Variants in CTNNA3 observed in about 807,000 individuals in gnomAD.
The protein encoded by CTNNA3 is catenin alpha-3.
Under a neutral mutation model 95.7 loss-of-function variants are expected in CTNNA3, and 76 were observed. That is an observed-to-expected ratio of 0.79 (90% CI 0.66 to 0.96). The LOEUF is 0.96. CTNNA3 is among the 40% of genes least tolerant of loss of function. CTNNA3 has a pLI of 0.00. For missense variants in CTNNA3, 1,191 were observed against 1,089.8 expected, an observed-to-expected ratio of 1.09 and a Z score of -1.31; for synonymous variants, 431 against 374.4, an observed-to-expected ratio of 1.15 and a Z score of -1.74.
chr10:67,747,571 T>G (rs1335433871), intron 1 of CTNNA3, among the ~76,000 whole-genome samples: 1 of 152,042 alleles, frequency 6.6e-6, no homozygotes, highest in Non-Finnish European at 1.5e-5. Context: ...AGCAACAGCA[T>G]CAACAAAAAG....
intron 6 of CTNNA3, among the ~76,000 whole-genome samples, chr10:67,182,834 A>T (rs1376812817): frequency 6.6e-6 from 1 of 152,216 alleles, no homozygotes; most frequent in African/African-American, 2.4e-5. Flanking sequence ...ACTCCAACAC[A>T]TTTACAAGAA....
At chr10:66,148,677 C>G (rs867928395) in intron 13 of CTNNA3, among the ~76,000 whole-genome samples, 55 of 151,632 alleles carry the variant, frequency 3.6e-4, no homozygotes, top group African/African-American at 1.3e-3. Context: ...GCTGCTGGGT[C>G]TTTGAACTTG....
At chr10:67,451,369 G>A (rs1001831271) in intron 5 of CTNNA3, among the ~76,000 whole-genome samples, 3 of 151,972 alleles carry the variant, frequency 2.0e-5, no homozygotes, top group African/African-American at 7.3e-5. Flanking sequence ...CTAGAAAGAT[G>A]TGATGTTAGA....
chr10:67,408,550 T>C (rs919176967), intron 5 of CTNNA3, among the ~76,000 whole-genome samples: 1 of 152,114 alleles, frequency 6.6e-6, no homozygotes, highest in Non-Finnish European at 1.5e-5. Context: ...AAATTAAAAC[T>C]GGACCCCTTC....
intron 5 of CTNNA3, among the ~76,000 whole-genome samples, chr10:67,501,863 T>G (rs1328439986): frequency 4.6e-5 from 7 of 151,754 alleles, no homozygotes; most frequent in African/African-American, 1.7e-4. Context: ...TAGCAATTCC[T>G]CTAACCTTTT....
chr10:66,685,706 T>A (rs1847274290), intron 9 of CTNNA3, among the ~76,000 whole-genome samples: 1 of 151,918 alleles, frequency 6.6e-6, no homozygotes, highest in Admixed American at 6.6e-5. Context: ...TTTGCCACTG[T>A]AAACAAGATA....
At chr10:67,472,158 T>C (rs1247131729) in intron 5 of CTNNA3, among the ~76,000 whole-genome samples, 1 of 152,222 alleles carries the variant, frequency 6.6e-6, no homozygotes, top group African/African-American at 2.4e-5. Context: ...ACTCACAAAC[T>C]TTTGAGAGAA....
intron 13 of CTNNA3, among the ~76,000 whole-genome samples, chr10:66,221,208 A>G (rs1372942908): frequency 6.6e-6 from 1 of 152,168 alleles, no homozygotes; most frequent in African/African-American, 2.4e-5. Flanking sequence ...ACACCAGCTC[A>G]TCTGGTTGTG....
At chr10:67,013,884 A>G (rs1379640235) in intron 7 of CTNNA3, among the ~76,000 whole-genome samples, 1 of 152,152 alleles carries the variant, frequency 6.6e-6, no homozygotes, top group East Asian at 1.9e-4. Context: ...GATCTCTGAT[A>G]TCTAGCCTTC....
intron 11 of CTNNA3, among the ~76,000 whole-genome samples, chr10:66,458,211 T>G (rs1323615091): frequency 6.6e-6 from 1 of 152,080 alleles, no homozygotes; most frequent in Admixed American, 6.6e-5. Context: ...CTGTAAACAA[T>G]CCAAATGTCT....
chr10:66,634,307 T>C (rs543397666), intron 9 of CTNNA3, among the ~76,000 whole-genome samples: 15 of 152,258 alleles, frequency 9.9e-5, no homozygotes, highest in Non-Finnish European at 1.8e-4. Flanking sequence ...TACACATATA[T>C]AATGATTACA....
chr10:67,029,214 G>C (rs754797591), intron 7 of CTNNA3, among the ~76,000 whole-genome samples: 27 of 152,136 alleles, frequency 1.8e-4, no homozygotes, highest in African/African-American at 6.5e-4. Context: ...ATTTGAAAAG[G>C]TTCACTAATG....
chr10:66,326,470 G>A lies in CTNNA3; in HGVS notation c.1733-45849C>T, dbSNP rs2092255992. Among the ~76,000 whole-genome samples the A allele has an allele frequency of 3.3e-5, 5 of 152,034 alleles. No individual in the cohort carries two copies. In the South Asian group the frequency reaches 1.0e-3, roughly 31 times the overall value. ...AAAAGTACACTAACTCATATTAAATGTGTTCAGAGTTAGGTTCAGTATAGG... is the reference window on the plus strand; with the variant it reads ...AAAAGTACACTAACTCATATTAAATATGTTCAGAGTTAGGTTCAGTATAGG... On this transcript the variant is annotated intron_variant, in intron 12 of 17. Coordinates refer to ENST00000433211, the MANE Select transcript of CTNNA3 (RefSeq NM_013266.4).
intron 9 of CTNNA3, among the ~76,000 whole-genome samples, chr10:66,692,572 G>A (rs967409001): frequency 6.6e-6 from 1 of 152,142 alleles, no homozygotes; most frequent in African/African-American, 2.4e-5. Context: ...CCCCAATCTA[G>A]CAAGGCAGGC....
chr10:65,956,638 G>T (rs1050106461), intron 17 of CTNNA3, among the ~76,000 whole-genome samples: 5 of 152,086 alleles, frequency 3.3e-5, no homozygotes, highest in Admixed American at 1.3e-4. Flanking sequence ...CCTTCATTTT[G>T]TTATATACCC....
At chr10:67,701,936 C>A (rs540735885) in intron 1 of CTNNA3, among the ~76,000 whole-genome samples, 3 of 152,028 alleles carry the variant, frequency 2.0e-5, no homozygotes, top group South Asian at 4.2e-4. Context: ...GGAAGATCTA[C>A]CAAGCAAATG....
chr10:66,697,203 A>G (rs1029311931), intron 9 of CTNNA3, among the ~76,000 whole-genome samples: 1 of 150,114 alleles, frequency 6.7e-6, no homozygotes, highest in Non-Finnish European at 1.5e-5. Context: ...ATAGAAATAT[A>G]TATGTATATA....
At chr10:66,189,617 T>TATATATATATATAC (rs151078010) in intron 13 of CTNNA3, among the ~76,000 whole-genome samples, 32 of 140,364 alleles carry the variant, frequency 2.3e-4, no homozygotes, top group Admixed American at 1.4e-3. Flanking sequence ...TATATATATA[T>TATATATATATATAC]ACACACATAC....
At chr10:67,341,414 T>G (rs1009407095) in intron 5 of CTNNA3, among the ~76,000 whole-genome samples, 2 of 152,200 alleles carry the variant, frequency 1.3e-5, no homozygotes, top group South Asian at 2.1e-4. Flanking sequence ...GTTTTGATTT[T>G]TAGATCCCAC....
Sources: gnomAD v4.1 joint callset for allele counts (sites outside exome capture counted in the v4.1 genomes callset) on GRCh38, gnomAD v4.1.1 for gene constraint, MANE v1.5 for transcripts, NCBI Gene and HGNC (gene_info 2026-07-23, HGNC 2026-07-21) for gene names.